MYO1D: variants seen among roughly 807,000 people sequenced by gnomAD.
The protein encoded by MYO1D is unconventional myosin-Id.
MYO1D carries 83 observed loss-of-function variants against 122.0 expected under a neutral mutation model. That is an observed-to-expected ratio of 0.68 (90% CI 0.57 to 0.82). The LOEUF is 0.82. Among genes scored for constraint, MYO1D ranks in the 40% least tolerant of loss-of-function variants. The pLI, the probability that MYO1D is intolerant of heterozygous loss-of-function variation, is 0.00. For synonymous variants in MYO1D, 464 were observed against 446.9 expected (o/e 1.04, Z -0.48); for missense variants, 1,157 against 1,269.5 (o/e 0.91, Z 1.35).
intron 1 of MYO1D, among the ~76,000 whole-genome samples, chr17:32,855,360 T>A (rs184987501): frequency 6.6e-6 from 1 of 152,286 alleles, no homozygotes; most frequent in Admixed American, 6.5e-5. Flanking sequence ...ATAACTATTA[T>A]CCTGACTTCT....
chr17:32,578,600 A>T (rs2087299833), intron 21 of MYO1D, among the ~76,000 whole-genome samples: 1 of 152,268 alleles, frequency 6.6e-6, no homozygotes, highest in South Asian at 2.1e-4. Flanking sequence ...TACTCTAAAG[A>T]TCAGACTATA....
intron 21 of MYO1D, among the ~76,000 whole-genome samples, chr17:32,560,302 TA>T (rs1338362982): frequency 6.6e-6 from 1 of 151,774 alleles, no homozygotes; most frequent in Non-Finnish European, 1.5e-5. Flanking sequence ...TGCCTGATGT[TA>T]AAATACTAAA....
chr17:32,560,797 T>C (rs1301157918), intron 21 of MYO1D, among the ~76,000 whole-genome samples: 1 of 151,252 alleles, frequency 6.6e-6, no homozygotes, highest in Non-Finnish European at 1.5e-5. Flanking sequence ...TTTTTGTATT[T>C]TTAGTAGAGA....
intron 21 of MYO1D, among the ~76,000 whole-genome samples, chr17:32,592,954 T>G (rs1293320647): frequency 6.6e-6 from 1 of 152,186 alleles, no homozygotes; most frequent in Non-Finnish European, 1.5e-5. Flanking sequence ...CCCGTACACT[T>G]CGTCCCCAGT....
At chr17:32,847,073 T>A (rs1023024005) in intron 1 of MYO1D, among the ~76,000 whole-genome samples, 7 of 152,180 alleles carry the variant, frequency 4.6e-5, no homozygotes, top group African/African-American at 1.7e-4. Context: ...TACAGAATCA[T>A]AACATTAAAC....
intron 21 of MYO1D, among the ~76,000 whole-genome samples, chr17:32,535,456 T>C (rs1910632522): frequency 6.6e-6 from 1 of 152,190 alleles, no homozygotes; most frequent in African/African-American, 2.4e-5. Flanking sequence ...AAACAATACA[T>C]TGTACTTGTG....
chr17:32,818,626 T>G (rs2090634348), intron 1 of MYO1D, among the ~76,000 whole-genome samples: 1 of 152,238 alleles, frequency 6.6e-6, no homozygotes, highest in South Asian at 2.1e-4. Flanking sequence ...AGTGAAGCAT[T>G]GCAGCATAGG....
chr17:32,527,131 G>C (rs1459769013), intron 21 of MYO1D, among the ~76,000 whole-genome samples: 1 of 152,162 alleles, frequency 6.6e-6, no homozygotes, highest in Non-Finnish European at 1.5e-5. Flanking sequence ...CAGTGAAGGG[G>C]GACAGCACAT....
At chr17:32,601,342 T>C (rs549708294) in intron 21 of MYO1D, among the ~76,000 whole-genome samples, 1 of 152,246 alleles carries the variant, frequency 6.6e-6, no homozygotes, top group East Asian at 1.9e-4. Flanking sequence ...AATCTTGTTG[T>C]ATCTCAGGGA....
In MYO1D at chr17:32,681,671, C is replaced by G. The variant is rs561055132; in HGVS notation, c.2122-22333G>C. On this transcript the variant is annotated intron_variant, in intron 16 of 21. Coordinates refer to ENST00000318217, the MANE Select transcript of MYO1D (RefSeq NM_015194.3). ...TTGCTGAGGAGAGCTTTACTTCCAACTATGTGGTCAATTTTGGAATAGGTG... is the reference window on the plus strand; with the variant it reads ...TTGCTGAGGAGAGCTTTACTTCCAAGTATGTGGTCAATTTTGGAATAGGTG... Among the ~76,000 whole-genome samples the G allele has an allele frequency of 4.5e-4, 68 of 151,450 alleles. 1 individual carries two copies. Among genetic ancestry groups the G allele is most frequent in the African/African-American group, 1.4e-3 (59 of 41,196 alleles).
At chr17:32,817,950 C>T (rs531743474) in intron 1 of MYO1D, among the ~76,000 whole-genome samples, 179 of 150,392 alleles carry the variant, frequency 1.2e-3, no homozygotes, top group Non-Finnish European at 1.6e-3. Flanking sequence ...AACGGTGAAA[C>T]CCCGTCTCTA....
intron 1 of MYO1D, among the ~76,000 whole-genome samples, chr17:32,862,334 G>T (rs1005454739): frequency 6.6e-6 from 1 of 152,180 alleles, no homozygotes; most frequent in Non-Finnish European, 1.5e-5. Flanking sequence ...AACAAGAACC[G>T]TGTCTATCTG....
chr17:32,863,082 ACCT>A (rs2091092037), intron 1 of MYO1D: 2 of 152,204 alleles, frequency 1.3e-5, no homozygotes, highest in Non-Finnish European at 2.9e-5. Context: ...TAAAATAGGA[ACCT>A]GAGAGGTGGA....
chr17:32,718,998 A>C (rs1264655185), intron 15 of MYO1D, among the ~76,000 whole-genome samples: 1 of 152,228 alleles, frequency 6.6e-6, no homozygotes, highest in East Asian at 1.9e-4. Flanking sequence ...TAGGCATTTC[A>C]AAGTGAACAT....
intron 21 of MYO1D, among the ~76,000 whole-genome samples, chr17:32,562,360 C>CATAATTTCATATTATTATTTAGAT (rs59094872): frequency 1.3e-5 from 2 of 151,936 alleles, no homozygotes; most frequent in Non-Finnish European, 2.9e-5. Flanking sequence ...TATTTCATTT[C>CATAATTTCATATTATTATTTAGAT]ATTCTTTAAT....
intron 11 of MYO1D, among the ~76,000 whole-genome samples, chr17:32,755,013 TACA>T (rs1179088775): frequency 6.6e-6 from 1 of 152,220 alleles, no homozygotes; most frequent in African/African-American, 2.4e-5. Context: ...TAACTAGAAT[TACA>T]ACTAGAATCT....
At chr17:32,697,849 G>A (rs757897202) in intron 16 of MYO1D, among the ~76,000 whole-genome samples, 18 of 152,222 alleles carry the variant, frequency 1.2e-4, no homozygotes, top group South Asian at 4.1e-4. Flanking sequence ...TTCTTTGTGA[G>A]CATGATGCAC....
intron 4 of MYO1D, among the ~76,000 whole-genome samples, chr17:32,773,681 A>T (rs1025210230): frequency 1.3e-5 from 2 of 151,880 alleles, no homozygotes; most frequent in African/African-American, 4.8e-5. Flanking sequence ...CTCACACCTG[A>T]CCTAAAACCT....
At chr17:32,564,895 A>C (rs893505722) in intron 21 of MYO1D, among the ~76,000 whole-genome samples, 3 of 152,030 alleles carry the variant, frequency 2.0e-5, no homozygotes, top group Admixed American at 6.5e-5. Flanking sequence ...TAGAAACAGC[A>C]TACCCCCCAT....
Sources: gnomAD v4.1 joint callset for allele counts (sites outside exome capture counted in the v4.1 genomes callset) on GRCh38, gnomAD v4.1.1 for gene constraint, MANE v1.5 for transcripts, NCBI Gene and HGNC (gene_info 2026-07-23, HGNC 2026-07-21) for gene names.